The following MACF1 variants were observed in gnomAD, a reference collection of about 807,000 sequenced individuals.
MACF1 encodes microtubule actin crosslinking factor 1.
Under a neutral mutation model 854.8 loss-of-function variants are expected in MACF1, and 193 were observed. The ratio of observed to expected loss-of-function variants is 0.23; its 90% CI spans 0.20 to 0.25. MACF1 has a LOEUF of 0.25. Among genes scored for constraint, MACF1 ranks in the 10% least tolerant of loss-of-function variants. The pLI is 1.00. For synonymous variants in MACF1, 3,185 were observed against 3,226.7 expected (o/e 0.99, Z 0.44); for missense variants, 7,722 against 8,929.1 (o/e 0.86, Z 5.45).
chr1:39,103,100 C>T, intron 2 of MACF1: 1 of 579,230 alleles, frequency 1.7e-6, no homozygotes, highest in Non-Finnish European at 3.2e-6. Context: ...AGCTCTCTAG[C>T]CACAACCTAA....
intron 52 of MACF1, among the ~76,000 whole-genome samples, chr1:39,374,246 A>T (rs1029397741): frequency 2.1e-4 from 32 of 152,358 alleles, no homozygotes; most frequent in East Asian, 3.9e-4. Flanking sequence ...TGTCTAAAAA[A>T]AAATAAATAA....
Position 39,484,746 on chromosome 1 carries a change from G to T in MACF1, c.22411+16G>T, listed in dbSNP as rs184778918. 3.2e-5 allele frequency: 51 copies of T among 1,614,004 alleles called. No individual in the cohort carries two copies. The African/African-American group carries it at 6.1e-4, about 19-fold the overall frequency. ...AATCGGGCAGGTAAGTACCTGCCCCGTGACCTACAAGCCAGGCTGAGAATT... is the reference window on the plus strand; with the variant it reads ...AATCGGGCAGGTAAGTACCTGCCCCTTGACCTACAAGCCAGGCTGAGAATT... On this transcript the variant is annotated intron_variant, in intron 100 of 100. Transcript: ENST00000564288.
chr1:39,428,017 T>A lies in MACF1; in HGVS notation c.16533T>A (p.Ile5511=). 6.2e-7 allele frequency: 1 copy of A among 1,614,216 alleles called. No homozygotes were observed. Among genetic ancestry groups the A allele is most frequent in the Non-Finnish European group, 8.5e-7 (1 of 1,180,032 alleles). The change falls in exon 63 of 101, where the codon ATT becomes ATA. Residue 5511 remains isoleucine (I), a synonymous_variant. Transcript: ENST00000564288. ...CAGATGTGCACCAGGCAGTCAAAATTGGGCAGTCCCTCTCCTCCCTGACAT... is the reference window on the plus strand; with the variant it reads ...CAGATGTGCACCAGGCAGTCAAAATAGGGCAGTCCCTCTCCTCCCTGACAT... ...HATDVHQAVK[I]GQSLSSLTSP...
intron 2 of MACF1, among the ~76,000 whole-genome samples, chr1:39,114,945 G>C (rs908669063): frequency 6.6e-6 from 1 of 152,160 alleles, no homozygotes; most frequent in Non-Finnish European, 1.5e-5. Context: ...TGGGCAGCAT[G>C]AACAGAAGTA....
In MACF1 at chr1:39,461,279, T is replaced by C. The variant is rs1469699083; in HGVS notation, c.21523+485T>C. 3.9e-5 allele frequency among the ~76,000 whole-genome samples: 6 copies of C among 152,164 alleles called. 1 individual carries two copies. The highest frequency in any genetic ancestry group is 3.9e-4 in the Admixed American group (6 of 15,272). On this transcript the variant is annotated intron_variant, in intron 92 of 100. Coordinates refer to ENST00000564288, the MANE Select transcript of MACF1 (RefSeq NM_001394062.1). ...ATGCTATTCCAAACTGTCACTATTC[T>C]GAAATAATCTAAATATCCAATAATT...
intron 58 of MACF1, among the ~76,000 whole-genome samples, chr1:39,421,088 A>G (rs1484608083): frequency 6.6e-6 from 1 of 152,046 alleles, no homozygotes. Context: ...GATGGTCTCA[A>G]TCTCCTGACC....
intron 2 of MACF1, among the ~76,000 whole-genome samples, chr1:39,236,865 A>G (rs1033195903): frequency 1.3e-5 from 2 of 151,984 alleles, no homozygotes; most frequent in South Asian, 2.1e-4. Flanking sequence ...GTTATACCAT[A>G]TTGGCCAGGC....
At chr1:39,243,791 G>T (rs1028292999) in intron 2 of MACF1, among the ~76,000 whole-genome samples, 1 of 152,180 alleles carries the variant, frequency 6.6e-6, no homozygotes, top group Admixed American at 6.5e-5. Flanking sequence ...CAGAAGAGAT[G>T]AGGATTTTAG....
intron 84 of MACF1, among the ~76,000 whole-genome samples, chr1:39,450,026 A>T (rs957351768): frequency 4.6e-5 from 7 of 151,434 alleles, no homozygotes; most frequent in Admixed American, 4.6e-4. Context: ...TGCCCAGCTA[A>T]TTTTTTTTAA....
At position 39,303,825 on chromosome 1, in the gene MACF1, C is replaced by T. The variant is rs568308407; in HGVS notation, c.2789+747C>T. On this transcript the variant is annotated intron_variant, in intron 23 of 100. Coordinates refer to ENST00000564288, the MANE Select transcript of MACF1 (RefSeq NM_001394062.1). ...AGGTCGAGTTTGCAGTGAGTCGAGC[C>T]GAGATTGCACCACTGCACTCCAGCC... Among the ~76,000 whole-genome samples the T allele has an allele frequency of 8.7e-5, 13 of 150,084 alleles. No individual in the cohort carries two copies. The East Asian group carries it at 1.2e-3, about 14-fold the overall frequency.
chr1:39,463,549 G>A (rs1006721275), intron 93 of MACF1, 63 bp from the exon 94 acceptor site: 2 of 1,148,968 alleles, frequency 1.7e-6, no homozygotes, highest in Non-Finnish European at 2.6e-6. Flanking sequence ...AAAAATCTTT[G>A]TTTCTCTGAA....
intron 2 of MACF1, among the ~76,000 whole-genome samples, chr1:39,102,246 A>G (rs1343969979): frequency 6.6e-6 from 1 of 152,102 alleles, no homozygotes; most frequent in Non-Finnish European, 1.5e-5. Context: ...AGAAAGACGA[A>G]ATAGTTAATG....
chr1:39,264,933 C>T (rs1377114863), intron 6 of MACF1, among the ~76,000 whole-genome samples: 2 of 152,140 alleles, frequency 1.3e-5, no homozygotes, highest in East Asian at 3.8e-4. Context: ...CTCGGCCTCC[C>T]AAAGTGCTGG....
At chr1:39,293,303 T>C (rs1319617876) in intron 17 of MACF1, among the ~76,000 whole-genome samples, 155 bp from the exon 18 acceptor site, 2 of 152,198 alleles carry the variant, frequency 1.3e-5, no homozygotes, top group African/African-American at 2.4e-5. Flanking sequence ...GGGAGTCTTA[T>C]ATCAAACTTG....
At chr1:39,091,904 C>G (rs1214537415) in intron 2 of MACF1, among the ~76,000 whole-genome samples, 1 of 152,144 alleles carries the variant, frequency 6.6e-6, no homozygotes, top group Non-Finnish European at 1.5e-5. Flanking sequence ...TGATTACACA[C>G]TTGCTTATTT....
chr1:39,381,380 G>C (rs866513644), intron 55 of MACF1, among the ~76,000 whole-genome samples: 42 of 131,700 alleles, frequency 3.2e-4, no homozygotes, highest in Non-Finnish European at 5.5e-4. Context: ...TTTTTTTTTG[G>C]GGGGGGGGAC....
intron 52 of MACF1, among the ~76,000 whole-genome samples, chr1:39,377,383 C>T (rs918012377): frequency 6.6e-6 from 1 of 152,058 alleles, no homozygotes; most frequent in Admixed American, 6.6e-5. Flanking sequence ...AGTTTTCTGT[C>T]CTTTTAAAGT....
At chr1:39,095,039 T>C (rs552323350) in intron 2 of MACF1, among the ~76,000 whole-genome samples, 3 of 152,318 alleles carry the variant, frequency 2.0e-5, no homozygotes, top group African/African-American at 7.2e-5. Flanking sequence ...GTTGTTATCC[T>C]GGAAGCTCCC....
At chr1:39,455,762 TG>T (rs971847066) in intron 89 of MACF1, among the ~76,000 whole-genome samples, 2 of 152,164 alleles carry the variant, frequency 1.3e-5, no homozygotes, top group Non-Finnish European at 2.9e-5. Flanking sequence ...ATGAACCCAG[TG>T]GTCAGTGAAG....
Sources: gnomAD v4.1 joint callset for allele counts (sites outside exome capture counted in the v4.1 genomes callset) on GRCh38, gnomAD v4.1.1 for gene constraint, MANE v1.5 for transcripts, NCBI Gene and HGNC (gene_info 2026-07-23, HGNC 2026-07-21) for gene names.